NELL2: variants seen among roughly 807,000 people sequenced by gnomAD.
The protein encoded by NELL2 is neural EGFL like 2.
In NELL2, 41 loss-of-function variants were observed where a neutral mutation model predicts 109.6. The ratio of observed to expected loss-of-function variants is 0.37; its 90% confidence interval spans 0.29 to 0.49. The LOEUF (loss-of-function observed/expected upper bound fraction) is 0.49, where lower values mean the gene tolerates loss of function less well. NELL2 is among the 20% of genes least tolerant of loss of function. NELL2 has a pLI of 0.98. For synonymous variants in NELL2, 355 were observed against 344.7 expected (o/e 1.03, Z -0.33); for missense variants, 900 against 1,008.3 (o/e 0.89, Z 1.45).
In NELL2 at chr12:44,711,395, C is replaced by T. The variant is rs866922892; in HGVS notation, c.1087-1G>A. 1 of 1,610,596 alleles carries T rather than the reference C, an allele frequency of 6.2e-7. No individual in the cohort carries two copies. Among genetic ancestry groups the T allele is most frequent in the Non-Finnish European group, 8.5e-7 (1 of 1,177,242 alleles). On this transcript the variant is annotated splice_acceptor_variant, in intron 10 of 19. Coordinates refer to ENST00000429094, the MANE Select transcript of NELL2 (RefSeq NM_001145108.2). LOFTEE classifies it high-confidence loss of function. ...TCTCAACAAGTTTCATGGTCTGGTC[C>T]TGTTAGACAACAGAAAAGAAGTGCT...
At chr12:44,908,803 G>A (rs1309438902) in intron 1 of NELL2, among the ~76,000 whole-genome samples, 1 of 151,934 alleles carries the variant, frequency 6.6e-6, no homozygotes, top group Non-Finnish European at 1.5e-5. Context: ...GAGTGCTAAT[G>A]ACCACACTAG....
chr12:44,741,424 T>C (rs1939953630), intron 9 of NELL2, among the ~76,000 whole-genome samples: 1 of 152,096 alleles, frequency 6.6e-6, no homozygotes, highest in African/African-American at 2.4e-5. Context: ...AAGTACCGGG[T>C]TCATCCCACT....
intron 11 of NELL2, among the ~76,000 whole-genome samples, chr12:44,709,770 T>C (rs1457887102): frequency 1.3e-5 from 2 of 152,190 alleles, no homozygotes; most frequent in Non-Finnish European, 2.9e-5. Context: ...TAGTCATATG[T>C]ATATTTAAGT....
intron 15 of NELL2, among the ~76,000 whole-genome samples, chr12:44,542,139 A>C (rs1220481803): frequency 1.3e-5 from 2 of 152,228 alleles, no homozygotes; most frequent in East Asian, 3.8e-4. Flanking sequence ...TACTGATGAT[A>C]TAGCGCAGTA....
intron 1 of NELL2, among the ~76,000 whole-genome samples, chr12:44,892,746 C>A (rs1461670117): frequency 7.1e-6 from 1 of 140,206 alleles, no homozygotes; most frequent in Non-Finnish European, 1.5e-5. Flanking sequence ...TGCAGTGAGC[C>A]GAGATCGCAC....
intron 11 of NELL2, among the ~76,000 whole-genome samples, chr12:44,705,366 G>A (rs1940141558): frequency 6.6e-6 from 1 of 152,046 alleles, no homozygotes; most frequent in Admixed American, 6.6e-5. Flanking sequence ...TCGAACATAG[G>A]TTTATTAAGT....
At chr12:44,646,700 CTG>C (rs1947108516) in intron 13 of NELL2, among the ~76,000 whole-genome samples, 2 of 152,162 alleles carry the variant, frequency 1.3e-5, no homozygotes, top group Non-Finnish European at 2.9e-5. Context: ...GACTACTGTA[CTG>C]CCTAGTGAAT....
At chr12:44,847,173 G>A (rs964430984) in intron 2 of NELL2, among the ~76,000 whole-genome samples, 3 of 152,108 alleles carry the variant, frequency 2.0e-5, no homozygotes, top group African/African-American at 7.2e-5. Flanking sequence ...TATTACCATG[G>A]GCAGAGCAGC....
intron 1 of NELL2, among the ~76,000 whole-genome samples, chr12:44,892,973 T>C (rs1945553023): frequency 6.6e-6 from 1 of 152,138 alleles, no homozygotes; most frequent in Non-Finnish European, 1.5e-5. Flanking sequence ...CATTTGGAAA[T>C]TCACATACCA....
Position 44,531,219 on chromosome 12 carries a change from T to C in NELL2, c.1804+1362A>G, listed in dbSNP as rs547799823. Among the ~76,000 whole-genome samples the C allele has an allele frequency of 1.8e-4, 27 of 152,368 alleles. No homozygotes were observed. In the South Asian group the frequency reaches 4.1e-3, roughly 23 times the overall value. On this transcript the variant is annotated intron_variant, in intron 16 of 19. Transcript: ENST00000429094. ...AAGATGCATACTCAGCTTTAATCCA[T>C]ATACATGCTTCTGTATGATTTGCAT...
chr12:44,651,097 C>T (rs1268470614), intron 13 of NELL2, among the ~76,000 whole-genome samples: 2 of 152,160 alleles, frequency 1.3e-5, no homozygotes, highest in African/African-American at 2.4e-5. Flanking sequence ...TTATGAACTG[C>T]ACATGCAAGG....
At chr12:44,683,404 C>A (rs112509483) in intron 12 of NELL2, among the ~76,000 whole-genome samples, 9,085 of 144,360 alleles carry the variant, frequency 0.063, 1,181 homozygotes, top group African/African-American at 0.25. Flanking sequence ...GATTGAATAC[C>A]CTTTATTTCC....
At chr12:44,527,668 C>T (rs1401137465) in intron 16 of NELL2, among the ~76,000 whole-genome samples, 1 of 152,192 alleles carries the variant, frequency 6.6e-6, no homozygotes, top group African/African-American at 2.4e-5. Context: ...GATAATCATA[C>T]TCTTAAAATG....
intron 9 of NELL2, among the ~76,000 whole-genome samples, chr12:44,741,198 C>T (rs1939939328): frequency 1.3e-5 from 2 of 152,214 alleles, no homozygotes; most frequent in South Asian, 4.2e-4. Flanking sequence ...ATAGTAAATA[C>T]ATTTTCTAAT....
At chr12:44,674,178 T>C (rs781015083) in intron 12 of NELL2, among the ~76,000 whole-genome samples, 1 of 152,146 alleles carries the variant, frequency 6.6e-6, no homozygotes, top group Non-Finnish European at 1.5e-5. Context: ...GCAGAACACA[T>C]TTGGGAATTT....
intron 15 of NELL2, among the ~76,000 whole-genome samples, chr12:44,534,969 CTT>C (rs1014193680): frequency 6.6e-6 from 1 of 151,990 alleles, no homozygotes. Context: ...TCATTTCTCT[CTT>C]GTCACTCCTT....
intron 15 of NELL2, among the ~76,000 whole-genome samples, chr12:44,565,953 T>C (rs989723544): frequency 6.6e-6 from 1 of 152,122 alleles, no homozygotes; most frequent in African/African-American, 2.4e-5. Context: ...AGCAGGATAG[T>C]GATTGGTCTC....
rs371109052 is a variant in NELL2, at chr12:44,535,089, G to A, written c.1664-2368C>T. Reference sequence around the variant, plus strand: ...CCATAAAGTTTAATAGAAATGCTATGTGTTATATTAATTAGTGTTTTGAAG... The same window carrying A: ...CCATAAAGTTTAATAGAAATGCTATATGTTATATTAATTAGTGTTTTGAAG... On this transcript the variant is annotated intron_variant, in intron 15 of 19. Coordinates refer to ENST00000429094, the MANE Select transcript of NELL2 (RefSeq NM_001145108.2). Among the ~76,000 whole-genome samples, 19 of 151,986 alleles carry A rather than the reference G, an allele frequency of 1.3e-4. 1 individual carries two copies. The South Asian group carries it at 3.9e-3, about 31-fold the overall frequency.
At chr12:44,728,355 A>T (rs1939192189) in intron 9 of NELL2, among the ~76,000 whole-genome samples, 2 of 152,146 alleles carry the variant, frequency 1.3e-5, no homozygotes, top group African/African-American at 4.8e-5. Flanking sequence ...TGAAAAATCC[A>T]CTAGAGGAGT....
Sources: allele counts gnomAD v4.1 joint callset (sites outside exome capture counted in the v4.1 genomes callset), GRCh38; gene constraint gnomAD v4.1.1; transcripts MANE v1.5; gene names NCBI Gene and HGNC (gene_info 2026-07-23, HGNC 2026-07-21).